MME: variants seen among roughly 807,000 people sequenced by gnomAD.
MME encodes neprilysin.
A neutral mutation model predicts 113.2 loss-of-function variants in MME; 98 were observed. That is an observed-to-expected ratio of 0.87 (90% CI 0.74 to 1.02). MME has a LOEUF of 1.02. Ranked by LOEUF, MME falls within the 50% of genes least tolerant of loss-of-function variation. The probability of loss-of-function intolerance (pLI) is 0.00; values close to 1 mark genes in which losing one functional copy is unlikely to be tolerated. For synonymous variants in MME, 292 were observed against 300.6 expected, an observed-to-expected ratio of 0.97 and a Z score of 0.30; for missense variants, 836 against 896.0, an observed-to-expected ratio of 0.93 and a Z score of 0.86.
intron 8 of MME, among the ~76,000 whole-genome samples, chr3:155,125,444 CTT>C (rs1165027340): frequency 3.2e-4 from 21 of 65,322 alleles, no homozygotes; most frequent in African/African-American, 7.7e-4. Flanking sequence ...GCTCCTCCTC[CTT>C]TTTTTTTTTT....
At chr3:155,074,098 A>G (rs1466079123) in intron 1 of MME, among the ~76,000 whole-genome samples, 2 of 151,710 alleles carry the variant, frequency 1.3e-5, no homozygotes, top group Non-Finnish European at 2.9e-5. Flanking sequence ...CTTCTAACAC[A>G]ATACTTACTA....
At chr3:155,102,141 A>T (rs1717297406) in intron 3 of MME, among the ~76,000 whole-genome samples, 1 of 152,226 alleles carries the variant, frequency 6.6e-6, no homozygotes, top group African/African-American at 2.4e-5. Context: ...TTATTCAGGG[A>T]TAGTAACAGG....
intron 3 of MME, chr3:155,090,607 A>C (rs985263094): frequency 1.3e-5 from 2 of 152,200 alleles, no homozygotes; most frequent in Non-Finnish European, 2.9e-5. Context: ...ATATGATAAT[A>C]ATGGAGAAGG....
chr3:155,065,531 A>G (rs1330433002), intron 1 of MME, among the ~76,000 whole-genome samples: 2 of 152,242 alleles, frequency 1.3e-5, no homozygotes, highest in East Asian at 1.9e-4. Flanking sequence ...AGCCTTCAAC[A>G]AAGAGCAGCT....
At chr3:155,130,555 T>G (rs1006836922) in intron 8 of MME, among the ~76,000 whole-genome samples, 1 of 152,112 alleles carries the variant, frequency 6.6e-6, no homozygotes, top group Non-Finnish European at 1.5e-5. Flanking sequence ...GATAGAGGAC[T>G]TGGAACATGG....
At chr3:155,024,817 A>G (rs1254470747) in intron 1 of MME, among the ~76,000 whole-genome samples, 4 of 152,196 alleles carry the variant, frequency 2.6e-5, no homozygotes, top group Non-Finnish European at 5.9e-5. Flanking sequence ...TTATATATGA[A>G]TGCAGAAAAT....
intron 1 of MME, among the ~76,000 whole-genome samples, chr3:155,065,290 C>T (rs527740949): frequency 1.3e-5 from 2 of 152,244 alleles, no homozygotes; most frequent in East Asian, 1.9e-4. Flanking sequence ...TCTCTCTCTT[C>T]CTCTCTCCCT....
intron 1 of MME, among the ~76,000 whole-genome samples, chr3:155,074,426 CCTTT>C (rs1459390811): frequency 6.6e-6 from 1 of 151,274 alleles, no homozygotes; most frequent in African/African-American, 2.4e-5. Context: ...GTGTGTGTTT[CCTTT>C]CTTTCTTTCT....
chr3:155,105,717 T>C (rs1052016189), intron 3 of MME, among the ~76,000 whole-genome samples: 7 of 152,100 alleles, frequency 4.6e-5, no homozygotes, highest in African/African-American at 1.7e-4. Flanking sequence ...ATTTGGAAAA[T>C]GGGGACACAA....
At chr3:155,062,001 A>G (rs1576677034) in intron 1 of MME, among the ~76,000 whole-genome samples, 1 of 152,112 alleles carries the variant, frequency 6.6e-6, no homozygotes, top group Non-Finnish European at 1.5e-5. Context: ...TTCTAGGTAC[A>G]TATCATATTA....
intron 16 of MME, among the ~76,000 whole-genome samples, chr3:155,159,298 T>A (rs187010713): frequency 6.6e-6 from 1 of 152,102 alleles, no homozygotes; most frequent in East Asian, 1.9e-4. Flanking sequence ...ACCCCTTCTG[T>A]GAGTAGGATA....
intron 3 of MME, among the ~76,000 whole-genome samples, chr3:155,086,910 T>A (rs1014154927): frequency 6.6e-6 from 1 of 152,146 alleles, no homozygotes; most frequent in African/African-American, 2.4e-5. Context: ...GCTCAAGGCA[T>A]CCTCCTGCCT....
At chr3:155,030,496 A>T (rs1283182206) in intron 1 of MME, among the ~76,000 whole-genome samples, 2 of 152,024 alleles carry the variant, frequency 1.3e-5, no homozygotes, top group Non-Finnish European at 2.9e-5. Flanking sequence ...CTGTATCTGT[A>T]CTCAGTGTAG....
At chr3:155,129,683 G>A (rs1303186862) in intron 8 of MME, among the ~76,000 whole-genome samples, 1 of 152,156 alleles carries the variant, frequency 6.6e-6, no homozygotes, top group Non-Finnish European at 1.5e-5. Flanking sequence ...TAAAGAGATG[G>A]AGCCTGAGTT....
At chr3:155,144,222 T>C (rs1721333876) in intron 13 of MME, 137 bp from the exon 14 acceptor site, 2 of 689,842 alleles carry the variant, frequency 2.9e-6, no homozygotes, top group Non-Finnish European at 5.3e-6. Context: ...TCTGTTAGCT[T>C]AGGTCACAGT....
At chr3:155,143,333 A>T in intron 12 of MME, 110 bp from the exon 13 acceptor site, 5 of 1,233,484 alleles carry the variant, frequency 4.1e-6, no homozygotes, top group Non-Finnish European at 5.9e-6. Context: ...TGTGAGGAGA[A>T]GTGATGAATA....
At chr3:155,061,698 G>A (rs1384692841) in intron 1 of MME, among the ~76,000 whole-genome samples, 2 of 125,490 alleles carry the variant, frequency 1.6e-5, no homozygotes, top group East Asian at 2.3e-4. Flanking sequence ...GTCTTGCTCT[G>A]TTGCCGAGGC....
intron 3 of MME, among the ~76,000 whole-genome samples, chr3:155,096,065 G>A (rs1339585585): frequency 6.6e-6 from 1 of 152,114 alleles, no homozygotes; most frequent in Non-Finnish European, 1.5e-5. Context: ...GGAAGTTTAG[G>A]ACCTACTAGT....
chr3:155,175,484 A>G (rs902260132), intron 22 of MME, among the ~76,000 whole-genome samples: 2 of 151,888 alleles, frequency 1.3e-5, no homozygotes, highest in African/African-American at 2.4e-5. Flanking sequence ...TTAGCCATCT[A>G]TAGTCATTTC....
Sources: allele counts gnomAD v4.1 joint callset (sites outside exome capture counted in the v4.1 genomes callset), GRCh38; gene constraint gnomAD v4.1.1; transcripts MANE v1.5; gene names NCBI Gene and HGNC (gene_info 2026-07-23, HGNC 2026-07-21).